NCOR1: variants seen among roughly 807,000 people sequenced by gnomAD.
NCOR1 encodes protein phosphatase 1, regulatory subunit 109.
NCOR1 carries 63 observed loss-of-function variants against 288.1 expected under a neutral mutation model. The observed-to-expected ratio is 0.22, with a 90% CI of 0.18 to 0.27. The LOEUF is 0.27. NCOR1 is among the 10% of genes least tolerant of loss of function. The pLI, the probability that NCOR1 is intolerant of heterozygous loss-of-function variation, is 1.00. For synonymous variants in NCOR1, 1,007 were observed against 1,065.9 expected (o/e 0.94, Z 1.08); for missense variants, 2,397 against 3,019.2 (o/e 0.79, Z 4.83).
chr17:16,099,220 G>C (rs1221139200), intron 20 of NCOR1, among the ~76,000 whole-genome samples: 1 of 152,234 alleles, frequency 6.6e-6, no homozygotes, highest in Admixed American at 6.5e-5. Context: ...TCCACCGGCT[G>C]ATGTTGCCCA....
At chr17:16,073,650 A>G in intron 27 of NCOR1, 81 bp from the exon 28 acceptor site, 1 of 1,120,686 alleles carries the variant, frequency 8.9e-7, no homozygotes, top group Non-Finnish European at 1.2e-6. Context: ...TTCATAGTCT[A>G]TCTTATAAAA....
intron 22 of NCOR1, 35 bp from the exon 23 acceptor site, chr17:16,086,477 T>A: frequency 1.3e-6 from 2 of 1,573,180 alleles, no homozygotes; most frequent in Non-Finnish European, 1.7e-6. Flanking sequence ...TTTAAACTAG[T>A]CCATTTCCTA....
At position 16,098,414 on chromosome 17, in the gene NCOR1, G is replaced by A. The variant is rs765734439; in HGVS notation, c.2773C>T (p.Leu925=). The change falls in exon 21 of 46, where the codon CTG becomes TTG. Residue 925 remains leucine, a synonymous_variant. Coordinates refer to ENST00000268712, the MANE Select transcript of NCOR1 (RefSeq NM_006311.4). ...LVSSPLKPNP[L]DLPQLQHRAA... is the part of the protein sequence containing the mutation. Reference sequence around the variant, plus strand: ...CGATGCTGAAGCTGTGGCAGATCCAGTGGATTTGGTTTTAACGGAGATGAG... The same window carrying A: ...CGATGCTGAAGCTGTGGCAGATCCAATGGATTTGGTTTTAACGGAGATGAG... The A allele has an allele frequency of 6.2e-7, 1 of 1,614,084 alleles. No homozygotes were observed. The highest frequency in any genetic ancestry group is 8.5e-7 in the Non-Finnish European group (1 of 1,179,988).
At chr17:16,176,547 G>A (rs895981546) in intron 3 of NCOR1, among the ~76,000 whole-genome samples, 1 of 150,604 alleles carries the variant, frequency 6.6e-6, no homozygotes, top group South Asian at 2.1e-4. Flanking sequence ...GGGACTGCAG[G>A]TGTGAGCCAC....
chr17:16,211,088 A>G (rs2092085809), intron 1 of NCOR1, among the ~76,000 whole-genome samples: 1 of 152,144 alleles, frequency 6.6e-6, no homozygotes, highest in Non-Finnish European at 1.5e-5. Flanking sequence ...AGTGTAACAC[A>G]GTGAACACTA....
chr17:16,128,478 G>A (rs1349405748), intron 14 of NCOR1, among the ~76,000 whole-genome samples: 1 of 152,196 alleles, frequency 6.6e-6, no homozygotes, highest in Admixed American at 6.5e-5. Flanking sequence ...TCAAGAACAA[G>A]AATCCAATCT....
chr17:16,074,754 C>T (rs974943362), intron 27 of NCOR1, among the ~76,000 whole-genome samples: 1 of 151,960 alleles, frequency 6.6e-6, no homozygotes, highest in Non-Finnish European at 1.5e-5. Flanking sequence ...AATACTACTA[C>T]TGAGAAAATA....
rs1474647432 is a variant in NCOR1, at chr17:16,081,199, T to TTTTGTTTTC, written c.3178-481_3178-473dup. Among the ~76,000 whole-genome samples, 580 of 142,370 alleles carry TTTTGTTTTC rather than the reference T, an allele frequency of 4.1e-3. 5 individuals carry two copies. The highest frequency in any genetic ancestry group is 0.014 in the African/African-American group (558 of 40,516). The allele number at this position is 142,370 out of a possible 152,430, so 93.4% of individuals were successfully genotyped here. A position where few individuals can be genotyped will look rare whatever the true frequency, so the allele number is the denominator to read the frequency against. On this transcript the variant is annotated intron_variant, in intron 23 of 45. Transcript: ENST00000268712. ...TTTTTCTTTTCTTTTCTTTTGTTTT[T>TTTTGTTTTC]TTTGTTTTCTTTTTGTTTTTTTTTT...
At chr17:16,196,203 A>G (rs1382364568) in intron 1 of NCOR1, among the ~76,000 whole-genome samples, 1 of 150,832 alleles carries the variant, frequency 6.6e-6, no homozygotes, top group Admixed American at 6.6e-5. Context: ...TTTTATTAGT[A>G]AAGTTTTAAT....
rs111241994 is a variant in NCOR1, at chr17:16,029,260, T to C, written c.*3036A>G. On this transcript the variant is annotated 3_prime_UTR_variant, in exon 46 of 46. Coordinates refer to ENST00000268712, the MANE Select transcript of NCOR1 (RefSeq NM_006311.4). ...CACTAGGAGTTTTCAGGACAGTCTC[T>C]TCATGTGGGTGTTTTCATTACAGTT... is the stretch of plus-strand genomic sequence containing the variant. 1,240 of 453,810 alleles carry C rather than the reference T, an allele frequency of 2.7e-3. 16 individuals carry two copies. The highest frequency in any genetic ancestry group is 0.023 in the African/African-American group (1,170 of 50,090). 28.1% of individuals were successfully genotyped at this position (453,810 alleles called of 1,614,324 possible). A position where few individuals can be genotyped will look rare whatever the true frequency, so the allele number is the denominator to read the frequency against.
In NCOR1 at chr17:16,083,841, C is replaced by T. The variant is rs117446690; in HGVS notation, c.3177+2441G>A. ...CATTTCTACAGTTAAGTTGGTTTTA[C>T]TTAAATGATTCATGTTTGGGGGGGG... On this transcript the variant is annotated intron_variant, in intron 23 of 45. Coordinates refer to ENST00000268712, the MANE Select transcript of NCOR1 (RefSeq NM_006311.4). Among the ~76,000 whole-genome samples, 1,154 of 151,566 alleles carry T rather than the reference C, an allele frequency of 7.6e-3. 50 individuals carry two copies. The East Asian group carries it at 0.11, about 15-fold the overall frequency.
chr17:16,108,426 C>G (rs1245111160), intron 19 of NCOR1, among the ~76,000 whole-genome samples: 4 of 151,542 alleles, frequency 2.6e-5, no homozygotes, highest in Non-Finnish European at 5.9e-5. Context: ...ATATAAATCT[C>G]TGTAAAAATA....
chr17:16,123,086 T>G (rs1423865783), intron 15 of NCOR1, among the ~76,000 whole-genome samples: 2 of 152,196 alleles, frequency 1.3e-5, no homozygotes, highest in African/African-American at 2.4e-5. Flanking sequence ...CCCAACTACC[T>G]GCTGGAACGG....
intron 44 of NCOR1, 99 bp from the exon 45 acceptor site, chr17:16,035,043 T>C (rs1030429665): frequency 2.6e-6 from 3 of 1,147,616 alleles, no homozygotes; most frequent in Non-Finnish European, 2.5e-6. Context: ...AAAAGCAGAA[T>C]GGTAACATGA....
intron 1 of NCOR1, among the ~76,000 whole-genome samples, chr17:16,197,087 C>T (rs553524547): frequency 6.6e-6 from 1 of 152,088 alleles, no homozygotes; most frequent in African/African-American, 2.4e-5. Context: ...TTTAGGAGGC[C>T]AGCGCAGGCA....
At chr17:16,178,160 G>A (rs1320841860) in intron 3 of NCOR1, among the ~76,000 whole-genome samples, 2 of 151,412 alleles carry the variant, frequency 1.3e-5, no homozygotes, top group South Asian at 2.1e-4. Flanking sequence ...CCAAGATTGC[G>A]CCACTGCACT....
At chr17:16,046,618 T>C (rs972222364) in intron 42 of NCOR1, among the ~76,000 whole-genome samples, 4 of 152,164 alleles carry the variant, frequency 2.6e-5, no homozygotes, top group Non-Finnish European at 5.9e-5. Context: ...TATGTGGGGA[T>C]AGGCCCAAAT....
At chr17:16,035,747 G>T (rs1056929627) in intron 44 of NCOR1, among the ~76,000 whole-genome samples, 2 of 151,946 alleles carry the variant, frequency 1.3e-5, no homozygotes, top group African/African-American at 4.8e-5. Flanking sequence ...TCACCATGTT[G>T]CCCAGGTTGG....
At chr17:16,138,533 C>T (rs1233605769) in intron 12 of NCOR1, among the ~76,000 whole-genome samples, 1 of 152,084 alleles carries the variant, frequency 6.6e-6, no homozygotes, top group South Asian at 2.1e-4. Context: ...TGCAGTGAGC[C>T]GAGATCACAA....
Sources: gnomAD v4.1 joint callset for allele counts (sites outside exome capture counted in the v4.1 genomes callset) on GRCh38, gnomAD v4.1.1 for gene constraint, MANE v1.5 for transcripts, NCBI Gene and HGNC (gene_info 2026-07-23, HGNC 2026-07-21) for gene names.